P4HA1: variants seen among roughly 807,000 people sequenced by gnomAD.
P4HA1 encodes prolyl 4-hydroxylase subunit alpha 1.
A neutral mutation model predicts 72.8 loss-of-function variants in P4HA1; 24 were observed. The ratio of observed to expected loss-of-function variants is 0.33; its 90% CI spans 0.24 to 0.46. The LOEUF (loss-of-function observed/expected upper bound fraction) is 0.46. Ranked by LOEUF, P4HA1 falls within the 20% of genes least tolerant of loss-of-function variation. The probability of loss-of-function intolerance (pLI) is 1.00; values close to 1 mark genes in which losing one functional copy is unlikely to be tolerated. For synonymous variants in P4HA1, 201 were observed against 218.8 expected, an observed-to-expected ratio of 0.92 and a Z score of 0.72; for missense variants, 446 against 640.6, an observed-to-expected ratio of 0.70 and a Z score of 3.28.
At chr10:73,025,760 CAA>C (rs1840251235) in intron 10 of P4HA1, among the ~76,000 whole-genome samples, 1 of 152,214 alleles carries the variant, frequency 6.6e-6, no homozygotes, top group Admixed American at 6.5e-5. Context: ...GCAACTTCAG[CAA>C]AGTCTCAGGA....
chr10:73,061,962 T>C (rs888088374), intron 5 of P4HA1, among the ~76,000 whole-genome samples: 8 of 152,178 alleles, frequency 5.3e-5, no homozygotes, highest in African/African-American at 1.7e-4. Flanking sequence ...AAGGCTGCAG[T>C]GAGCTATGAT....
Position 73,068,938 on chromosome 10 carries a change from T to A in P4HA1, c.371A>T (p.Asp124Val), listed in dbSNP as rs150954845. Residue 124 changes from aspartate (D) to valine (V), a missense_variant, in exon 5 of 15, where the codon GAT (aspartate) becomes GTT (valine). Asp to Val is a radical substitution (Grantham distance 152, BLOSUM62 -3). Transcript: ENST00000394890. ...LTIQRQYFPN[D>V]EDQVGAAKAL... ...TTTGGCTGCCCCAACCTGATCTTCA[T>A]CATTAGGAAAGTACTGTCTCTGAAT... The A allele has an allele frequency of 7.6e-4, 1,227 of 1,612,364 alleles. 2 individuals are homozygous for A. The highest frequency in any genetic ancestry group is 9.4e-4 in the Non-Finnish European group (1,111 of 1,178,690).
intron 5 of P4HA1, among the ~76,000 whole-genome samples, chr10:73,056,018 C>T (rs1442701505): frequency 1.3e-5 from 2 of 152,278 alleles, no homozygotes; most frequent in African/African-American, 2.4e-5. Flanking sequence ...TGGGAGGAAG[C>T]AGCAATGTAA....
chr10:73,060,270 A>G (rs1196847170), intron 5 of P4HA1, among the ~76,000 whole-genome samples: 1 of 152,198 alleles, frequency 6.6e-6, no homozygotes, highest in Non-Finnish European at 1.5e-5. Flanking sequence ...AGAAGAAAAG[A>G]GATATAAATA....
intron 10 of P4HA1, among the ~76,000 whole-genome samples, chr10:73,025,953 TAA>T (rs1157278783): frequency 2.0e-5 from 3 of 151,942 alleles, no homozygotes; most frequent in Admixed American, 6.6e-5. Context: ...CTCAACGAAA[TAA>T]AAGAGGACAC....
intron 10 of P4HA1, among the ~76,000 whole-genome samples, chr10:73,021,699 A>G (rs1413622889): frequency 1.3e-5 from 2 of 152,240 alleles, no homozygotes; most frequent in African/African-American, 4.8e-5. Flanking sequence ...CGCCTCACCC[A>G]GGAAGCACAA....
At chr10:73,082,740 T>C (rs1450144131) in intron 1 of P4HA1, 1 of 152,168 alleles carries the variant, frequency 6.6e-6, no homozygotes, top group Non-Finnish European at 1.5e-5. Context: ...TATTCAACTG[T>C]TGGTCCTCCT....
rs1564624888 is a variant in P4HA1, at chr10:73,037,554, TATATATA to T, written c.1149-7191_1149-7185del. Among the ~76,000 whole-genome samples, 77 of 33,150 alleles carry T rather than the reference TATATATA, an allele frequency of 2.3e-3. 3 individuals are homozygous for T. Among genetic ancestry groups the T allele is most frequent in the African/African-American group, 8.6e-3 (73 of 8,530 alleles). The allele number at this position is 33,150 out of a possible 152,430, so 21.7% of individuals were successfully genotyped here. ...ATATATATATATATATATATATATATATATATATATATATATATTTTTTTTTTTTTTT... is the reference window on the plus strand; with the variant it reads ...ATATATATATATATATATATATATATTATATATATATTTTTTTTTTTTTTT... On this transcript the variant is annotated intron_variant, in intron 9 of 14. Coordinates refer to ENST00000394890, the MANE Select transcript of P4HA1 (RefSeq NM_001017962.3).
intron 1 of P4HA1, among the ~76,000 whole-genome samples, chr10:73,094,539 T>C (rs1264496308): frequency 1.3e-5 from 2 of 152,178 alleles, no homozygotes; most frequent in Non-Finnish European, 2.9e-5. Flanking sequence ...ATCTCACAGG[T>C]CAATTCAAGA....
In P4HA1 at chr10:73,087,792, T is replaced by C. The variant is rs939278028; in HGVS notation, c.-33+8974A>G. On this transcript the variant is annotated intron_variant, in intron 1 of 14. Coordinates refer to ENST00000394890, the MANE Select transcript of P4HA1 (RefSeq NM_001017962.3). ...CAGACGTGAGCCACCATGCCCAGCT[T>C]TGAGTTCCTTATACAGTCTATTTTT... Among the ~76,000 whole-genome samples, 5 of 152,240 alleles carry C rather than the reference T, an allele frequency of 3.3e-5. No homozygotes were observed. In the East Asian group the frequency reaches 9.7e-4, roughly 29 times the overall value.
At chr10:73,021,852 T>G (rs1840143582) in intron 10 of P4HA1, among the ~76,000 whole-genome samples, 1 of 152,232 alleles carries the variant, frequency 6.6e-6, no homozygotes, top group Non-Finnish European at 1.5e-5. Flanking sequence ...TGTGCCTGGC[T>G]CAGTGGGTCC....
chr10:73,016,332 C>T (rs1235310094), intron 11 of P4HA1, among the ~76,000 whole-genome samples: 1 of 152,196 alleles, frequency 6.6e-6, no homozygotes, highest in Non-Finnish European at 1.5e-5. Flanking sequence ...CCCACTTTTC[C>T]TTGTTGTATT....
intron 5 of P4HA1, chr10:73,065,311 C>G (rs1285825679): frequency 6.6e-6 from 1 of 151,914 alleles, no homozygotes; most frequent in Non-Finnish European, 1.5e-5. Context: ...AATCTGAAAA[C>G]TGAAGGAAGT....
Position 73,030,353 on chromosome 10 carries a change from T to A in P4HA1, c.1166A>T (p.Tyr389Phe). The change falls in exon 10 of 15, where the codon TAT becomes TTT. Residue 389 changes from tyrosine to phenylalanine, a missense_variant. Coordinates refer to ENST00000394890, the MANE Select transcript of P4HA1 (RefSeq NM_001017962.3). ...RISKSAWLSG[Y>F]ENPVVSRINM... is the part of the protein sequence containing the mutation. ...AATTCGAGACACCACAGGATTTTCA[T>A]AGCCAGAGAGCCAGGCACTAAGAAT... 1 of 1,568,330 alleles carries A rather than the reference T, an allele frequency of 6.4e-7. No individual in the cohort carries two copies. The highest frequency in any genetic ancestry group is 1.2e-5 in the South Asian group (1 of 85,538).
In P4HA1 at chr10:73,010,963, G is replaced by T. The variant is rs540129112; in HGVS notation, c.1437+6C>A. 1.2e-6 allele frequency: 2 copies of T among 1,609,676 alleles called. No individual in the cohort carries two copies. Among genetic ancestry groups the T allele is most frequent in the East Asian group, 4.5e-5 (2 of 44,802 alleles). On this transcript the variant is annotated splice_donor_region_variant and intron_variant, in intron 13 of 14. Coordinates refer to ENST00000394890, the MANE Select transcript of P4HA1 (RefSeq NM_001017962.3). ...AATAAACCAAAAACAAAACAAACAG[G>T]CTTACTTTTTTGGGCCAAACACTAG...
intron 5 of P4HA1, among the ~76,000 whole-genome samples, chr10:73,054,483 T>G (rs1162848938): frequency 1.3e-5 from 2 of 152,308 alleles, no homozygotes; most frequent in African/African-American, 2.4e-5. Context: ...CTTCCCCACC[T>G]TGCCCCAGCC....
rs537895197 is a variant in P4HA1, at chr10:73,045,873, CA to C, written c.1078-823del. Among the ~76,000 whole-genome samples, 680 of 112,218 alleles carry C rather than the reference CA, an allele frequency of 6.1e-3. 8 individuals carry two copies. The highest frequency in any genetic ancestry group is 0.048 in the East Asian group (202 of 4,236). The allele number at this position is 112,218 out of a possible 152,430, so 73.6% of individuals were successfully genotyped here. A position where few individuals can be genotyped will look rare whatever the true frequency, so the allele number is the denominator to read the frequency against. ...TTGCATTTATAATGTAATCTTTGGC[CA>C]AAAAAAAAAAAAACCACCAATTTGG... is the stretch of plus-strand genomic sequence containing the variant. On this transcript the variant is annotated intron_variant, in intron 8 of 14. Transcript: ENST00000394890.
At chr10:73,070,686 A>G (rs1181247588) in intron 4 of P4HA1, among the ~76,000 whole-genome samples, 4 of 152,118 alleles carry the variant, frequency 2.6e-5, no homozygotes. Flanking sequence ...ATGGAATTTT[A>G]CAAGCAAGTT....
chr10:73,051,270 C>T (rs757041183), intron 6 of P4HA1, 21 bp from the exon 7 acceptor site: 2 of 1,343,212 alleles, frequency 1.5e-6, no homozygotes, highest in Non-Finnish European at 2.1e-6. Context: ...AGAAACAAAG[C>T]ATGTCCATGG....
Sources: allele counts gnomAD v4.1 joint callset (sites outside exome capture counted in the v4.1 genomes callset), GRCh38; gene constraint gnomAD v4.1.1; transcripts MANE v1.5; gene names NCBI Gene and HGNC (gene_info 2026-07-23, HGNC 2026-07-21).